SYCE2: variants seen among roughly 807,000 people sequenced by gnomAD.
SYCE2 encodes the protein synaptonemal complex central element protein 2.
A neutral mutation model predicts 27.9 loss-of-function variants in SYCE2; 3 were observed. That is an observed-to-expected ratio of 0.11 (90% CI 0.05 to 0.28). The LOEUF is 0.28. SYCE2 is among the 10% of genes least tolerant of loss of function. The pLI, the probability that SYCE2 is intolerant of heterozygous loss-of-function variation, is 1.00. For synonymous variants in SYCE2, 85 were observed against 100.7 expected (o/e 0.84, Z 0.93); for missense variants, 207 against 263.5 (o/e 0.79, Z 1.48).
At chr19:12,909,308 C>T (rs1410995703) in intron 2 of SYCE2, among the ~76,000 whole-genome samples, 1 of 152,184 alleles carries the variant, frequency 6.6e-6, no homozygotes, top group Non-Finnish European at 1.5e-5. Flanking sequence ...CCTGAGGACC[C>T]AAGAATATAT....
intron 2 of SYCE2, among the ~76,000 whole-genome samples, chr19:12,907,529 G>A (rs1222587814): frequency 3.3e-5 from 5 of 152,274 alleles, no homozygotes; most frequent in Middle Eastern, 3.4e-3. Flanking sequence ...AGTGGCTCAC[G>A]CCTGTAATCC....
At chr19:12,908,411 G>A (rs969660276) in intron 2 of SYCE2, among the ~76,000 whole-genome samples, 1 of 151,074 alleles carries the variant, frequency 6.6e-6, no homozygotes, top group Non-Finnish European at 1.5e-5. Context: ...TGCAAGCTCT[G>A]CCTCCCGGGT....
At chr19:12,901,209 T>TAAATACAC (rs777253303) in intron 3 of SYCE2, among the ~76,000 whole-genome samples, 1 of 146,762 alleles carries the variant, frequency 6.8e-6, no homozygotes, top group Non-Finnish European at 1.5e-5. Context: ...AATAAATAAA[T>TAAATACAC]ACACAAATAC....
chr19:12,910,082 G>T (rs988230025), intron 2 of SYCE2, among the ~76,000 whole-genome samples: 1 of 151,276 alleles, frequency 6.6e-6, no homozygotes, highest in Non-Finnish European at 1.5e-5. Flanking sequence ...GGCCAGGCTG[G>T]TCTCCAACTC....
intron 4 of SYCE2, 46 bp downstream of exon 4, chr19:12,900,414 C>A: frequency 6.3e-7 from 1 of 1,592,988 alleles, no homozygotes; most frequent in Non-Finnish European, 8.6e-7. Context: ...TGGGCCATCC[C>A]TGTCCTCTTC....
intron 2 of SYCE2, among the ~76,000 whole-genome samples, chr19:12,910,313 T>A (rs1971020659): frequency 6.6e-6 from 1 of 152,110 alleles, no homozygotes. Flanking sequence ...TTTTTTTTTC[T>A]TTTGTAAGAA....
At chr19:12,904,726 G>T in intron 2 of SYCE2, 60 bp from the exon 3 acceptor site, 1 of 1,586,838 alleles carries the variant, frequency 6.3e-7, no homozygotes, top group Non-Finnish European at 8.6e-7. Flanking sequence ...AAGCGGCCAG[G>T]TGTAGTCGCT....
At chr19:12,906,274 G>A (rs1970932159) in intron 2 of SYCE2, 2 of 152,224 alleles carry the variant, frequency 1.3e-5, no homozygotes, top group African/African-American at 4.8e-5. Flanking sequence ...CCCACCAGGT[G>A]AGGTGAATAC....
intron 2 of SYCE2, among the ~76,000 whole-genome samples, chr19:12,913,175 T>C (rs894067556): frequency 1.3e-5 from 2 of 152,226 alleles, no homozygotes; most frequent in African/African-American, 4.8e-5. Context: ...AGCGCTGCGT[T>C]CATCTATTAT....
At position 12,899,043 on chromosome 19, in the gene SYCE2, G is replaced by A. The variant is rs926799623; in HGVS notation, c.*298C>T. 1.1e-5 allele frequency: 5 copies of A among 452,252 alleles called. No homozygotes were observed. Among genetic ancestry groups the A allele is most frequent in the Non-Finnish European group, 1.6e-5 (4 of 245,298 alleles). 28.0% of individuals were successfully genotyped at this position (452,252 alleles called of 1,614,324 possible). On this transcript the variant is annotated 3_prime_UTR_variant, in exon 6 of 6. Transcript: ENST00000293695. The stretch of plus-strand genomic sequence containing the variant: ...TGCTGTGTTTCCTTGGAGCTCAGGG[G>A]TGCTTTCAGCCTCTGTGGCAAGGAA...
In SYCE2 at chr19:12,918,329, C is replaced by T. The variant is rs372147562; in HGVS notation, c.24G>A (p.Val8=). ...CCTGGTCTTTGCATTTCACATGGGGCACGTCCACCTGCAAGCACAGTCAGG... is the reference window on the plus strand; with the variant it reads ...CCTGGTCTTTGCATTTCACATGGGGTACGTCCACCTGCAAGCACAGTCAGG... The part of the protein sequence containing the change: MERQGVD[V]PHVKCKDQEP... Residue 8 remains valine, a synonymous_variant, in exon 2 of 6, where the codon GTG becomes GTA. Coordinates refer to ENST00000293695, the MANE Select transcript of SYCE2 (RefSeq NM_001105578.2). 2.8e-4 allele frequency: 444 copies of T among 1,613,966 alleles called. No homozygotes were observed. The highest frequency in any genetic ancestry group is 3.6e-4 in the Non-Finnish European group (424 of 1,179,956).
At chr19:12,912,470 A>G (rs1271694943) in intron 2 of SYCE2, among the ~76,000 whole-genome samples, 2 of 152,094 alleles carry the variant, frequency 1.3e-5, no homozygotes, top group Non-Finnish European at 2.9e-5. Flanking sequence ...GAGGGTGCAG[A>G]CTACACCCTA....
chr19:12,913,351 C>T (rs1031255399), intron 2 of SYCE2, among the ~76,000 whole-genome samples: 5 of 152,334 alleles, frequency 3.3e-5, no homozygotes, highest in South Asian at 4.1e-4. Context: ...GCGACTGAGC[C>T]AGAACTGCCC....
At chr19:12,907,114 G>A (rs754088072) in intron 2 of SYCE2, among the ~76,000 whole-genome samples, 3 of 152,138 alleles carry the variant, frequency 2.0e-5, no homozygotes, top group Non-Finnish European at 4.4e-5. Flanking sequence ...CTGCCCCTGT[G>A]AGTCACAGCT....
rs113720193 is a variant in SYCE2, at chr19:12,899,702, G to A, written c.612+302C>T. On this transcript the variant is annotated intron_variant, in intron 5 of 5. Coordinates refer to ENST00000293695, the MANE Select transcript of SYCE2 (RefSeq NM_001105578.2). ...ATATCAAAATTTCCCTTCTGAAGTCGTTCAGATGTGTTCCTTAAAAAGAAG... is the reference window on the plus strand; with the variant it reads ...ATATCAAAATTTCCCTTCTGAAGTCATTCAGATGTGTTCCTTAAAAAGAAG... The A allele has an allele frequency of 0.013, 21,512 of 1,611,764 alleles. 197 individuals are homozygous for A. The highest frequency in any genetic ancestry group is 0.042 in the African/African-American group (3,130 of 75,008).
chr19:12,900,651 G>A lies in SYCE2; in HGVS notation c.307-3C>T. 1 of 1,611,400 alleles carries A rather than the reference G, an allele frequency of 6.2e-7. No individual in the cohort carries two copies. Among genetic ancestry groups the A allele is most frequent in the South Asian group, 1.1e-5 (1 of 90,924 alleles). The stretch of plus-strand genomic sequence containing the variant: ...AATTTCTCTGTCAGATCCGAAACCT[G>A]TTAAACAATAAGATGTGTTCTCGGA... On this transcript the variant is annotated splice_polypyrimidine_tract_variant and splice_region_variant and intron_variant, in intron 3 of 5. Transcript: ENST00000293695.
At chr19:12,902,565 T>G (rs1348257853) in intron 3 of SYCE2, among the ~76,000 whole-genome samples, 2 of 151,932 alleles carry the variant, frequency 1.3e-5, no homozygotes, top group Non-Finnish European at 2.9e-5. Context: ...AGCCCAGGAG[T>G]TTGAGGCTCC....
chr19:12,900,852 T>C (rs1002536748), intron 3 of SYCE2, among the ~76,000 whole-genome samples: 10 of 152,274 alleles, frequency 6.6e-5, no homozygotes, highest in African/African-American at 2.4e-4. Flanking sequence ...AAGACCAACC[T>C]GGCCAACATG....
At chr19:12,901,180 A>ATAAG (rs1970830077) in intron 3 of SYCE2, among the ~76,000 whole-genome samples, 1 of 144,954 alleles carries the variant, frequency 6.9e-6, no homozygotes, top group African/African-American at 2.6e-5. Context: ...AAATAAATAA[A>ATAAG]TAAATAAATA....
Sources: gnomAD v4.1 joint callset for allele counts (sites outside exome capture counted in the v4.1 genomes callset) on GRCh38, gnomAD v4.1.1 for gene constraint, MANE v1.5 for transcripts, NCBI Gene and HGNC (gene_info 2026-07-23, HGNC 2026-07-21) for gene names.